Variants in MDGA2 observed in about 807,000 individuals in gnomAD.
MDGA2 encodes the protein MAM domain containing glycosylphosphatidylinositol anchor 2.
In MDGA2, 40 loss-of-function variants were observed where a neutral mutation model predicts 117.8. That is an observed-to-expected ratio of 0.34 (90% CI 0.26 to 0.44). The LOEUF (loss-of-function observed/expected upper bound fraction) is 0.44, where lower values mean the gene tolerates loss of function less well. MDGA2 is among the 20% of genes least tolerant of loss of function. MDGA2 has a pLI of 1.00. For synonymous variants in MDGA2, 452 were observed against 439.0 expected, an observed-to-expected ratio of 1.03 and a Z score of -0.37; for missense variants, 1,123 against 1,250.6, an observed-to-expected ratio of 0.90 and a Z score of 1.54.
chr14:47,398,912 G>C (rs1892073835), intron 1 of MDGA2, among the ~76,000 whole-genome samples: 1 of 152,038 alleles, frequency 6.6e-6, no homozygotes, highest in Non-Finnish European at 1.5e-5. Flanking sequence ...AATTGCCTGA[G>C]GACAGAATAA....
chr14:46,961,551 C>T (rs1885808833), intron 8 of MDGA2, among the ~76,000 whole-genome samples: 2 of 152,116 alleles, frequency 1.3e-5, no homozygotes, highest in Non-Finnish European at 2.9e-5. Flanking sequence ...TGTATACCTG[C>T]ACACCACTTT....
intron 2 of MDGA2, among the ~76,000 whole-genome samples, chr14:47,231,392 G>A (rs1474728293): frequency 6.6e-6 from 1 of 152,024 alleles, no homozygotes; most frequent in Non-Finnish European, 1.5e-5. Flanking sequence ...AACAAGCTAG[G>A]ATGGAAGTCC....
At chr14:46,894,169 G>A (rs575154639) in intron 10 of MDGA2, among the ~76,000 whole-genome samples, 1 of 151,758 alleles carries the variant, frequency 6.6e-6, no homozygotes, top group Non-Finnish European at 1.5e-5. Context: ...AAAATCTATC[G>A]AGGTTAGTAT....
At chr14:47,172,726 C>G (rs973566036) in intron 3 of MDGA2, among the ~76,000 whole-genome samples, 1 of 152,146 alleles carries the variant, frequency 6.6e-6, no homozygotes, top group South Asian at 2.1e-4. Flanking sequence ...ACTGGGAACT[C>G]TAAAAAGCAG....
chr14:47,264,322 T>A (rs1287146824), intron 2 of MDGA2, among the ~76,000 whole-genome samples: 1 of 152,178 alleles, frequency 6.6e-6, no homozygotes, highest in Non-Finnish European at 1.5e-5. Context: ...AGAGCCAAAC[T>A]ACTAAAATTC....
intron 1 of MDGA2, among the ~76,000 whole-genome samples, chr14:47,567,715 T>C (rs1441464543): frequency 6.6e-6 from 1 of 152,224 alleles, no homozygotes; most frequent in Non-Finnish European, 1.5e-5. Flanking sequence ...CTGTTTCTTA[T>C]TGGGCCAGGG....
At chr14:47,146,530 A>G (rs1381011430) in intron 3 of MDGA2, among the ~76,000 whole-genome samples, 39 of 152,166 alleles carry the variant, frequency 2.6e-4, no homozygotes, top group Admixed American at 2.6e-3. Flanking sequence ...ATATTCATTA[A>G]TTTGGTGATT....
chr14:47,560,533 C>T (rs1017211046), intron 1 of MDGA2, among the ~76,000 whole-genome samples: 10 of 152,066 alleles, frequency 6.6e-5, no homozygotes, highest in African/African-American at 2.4e-4. Context: ...ATGTCCTTGG[C>T]CCGCTTTTTA....
chr14:47,558,771 C>A (rs1198633712), intron 1 of MDGA2, among the ~76,000 whole-genome samples: 3 of 152,004 alleles, frequency 2.0e-5, no homozygotes, highest in Non-Finnish European at 4.4e-5. Flanking sequence ...TAAATAATGA[C>A]AATTATAATA....
chr14:47,609,428 C>CACATATATATATATACATATATAT (rs1477357010), intron 1 of MDGA2, among the ~76,000 whole-genome samples: 1 of 17,558 alleles, frequency 5.7e-5, no homozygotes, highest in Non-Finnish European at 1.4e-4. Flanking sequence ...AGTATTCCAT[C>CACATATATATATATACATATATAT]ATATATATAT....
In MDGA2 at chr14:47,326,171, C is replaced by A. The variant is rs532462961; in HGVS notation, c.281-24621G>T. On this transcript the variant is annotated intron_variant, in intron 1 of 16. Transcript: ENST00000399232. Reference sequence around the variant, plus strand: ...GTACCAAAAAAATCACACACTGTCACATCCTATATCTGCAAGTCATTTAGA... The same window carrying A: ...GTACCAAAAAAATCACACACTGTCAAATCCTATATCTGCAAGTCATTTAGA... Among the ~76,000 whole-genome samples, 4 of 152,266 alleles carry A rather than the reference C, an allele frequency of 2.6e-5. No homozygotes were observed. The East Asian group carries it at 7.7e-4, about 29-fold the overall frequency.
At chr14:47,392,699 G>A (rs1891923654) in intron 1 of MDGA2, among the ~76,000 whole-genome samples, 1 of 152,060 alleles carries the variant, frequency 6.6e-6, no homozygotes, top group African/African-American at 2.4e-5. Flanking sequence ...TGGCAATGTG[G>A]CTCAGCCTAC....
At chr14:46,846,672 CTT>C (rs948689007) in intron 15 of MDGA2, among the ~76,000 whole-genome samples, 9 of 152,192 alleles carry the variant, frequency 5.9e-5, no homozygotes, top group South Asian at 2.1e-4. Flanking sequence ...AAACAGGACT[CTT>C]TTAGAATTTT....
chr14:46,861,340 T>C lies in MDGA2; in HGVS notation c.2753-6186A>G, dbSNP rs1174008374. Among the ~76,000 whole-genome samples, 3 of 152,022 alleles carry C rather than the reference T, an allele frequency of 2.0e-5. No homozygotes were observed. The South Asian group carries it at 6.2e-4, about 31-fold the overall frequency. On this transcript the variant is annotated intron_variant, in intron 14 of 16. Transcript: ENST00000399232. ...TTATATCAGTAATTATAGGGTATCG[T>C]GCCAGTACTGAATATTGTTTCTCAC...
At chr14:47,069,917 T>C (rs1350570591) in intron 6 of MDGA2, among the ~76,000 whole-genome samples, 3 of 152,218 alleles carry the variant, frequency 2.0e-5, no homozygotes, top group Non-Finnish European at 4.4e-5. Flanking sequence ...AATTGCCTTA[T>C]CTGGTAAGAA....
chr14:46,854,766 A>AT (rs1226112206), intron 15 of MDGA2, among the ~76,000 whole-genome samples: 1 of 151,788 alleles, frequency 6.6e-6, no homozygotes, highest in Non-Finnish European at 1.5e-5. Flanking sequence ...AATGGATTAC[A>AT]TTTTTTCCAG....
intron 2 of MDGA2, among the ~76,000 whole-genome samples, chr14:47,256,726 G>A (rs542945565): frequency 1.3e-5 from 2 of 151,812 alleles, no homozygotes; most frequent in South Asian, 2.1e-4. Context: ...GAAGGAAATC[G>A]AATAACACTT....
chr14:47,019,669 G>A (rs932549342), intron 8 of MDGA2, among the ~76,000 whole-genome samples: 3 of 151,702 alleles, frequency 2.0e-5, no homozygotes, highest in African/African-American at 4.8e-5. Flanking sequence ...CGGTGAAACC[G>A]CGTCTCCACT....
At chr14:47,565,469 C>G (rs1465208994) in intron 1 of MDGA2, among the ~76,000 whole-genome samples, 1 of 152,156 alleles carries the variant, frequency 6.6e-6, no homozygotes, top group Non-Finnish European at 1.5e-5. Context: ...AGGCCCCCAG[C>G]TTTGTTCTCT....
Sources: gnomAD v4.1 joint callset for allele counts (sites outside exome capture counted in the v4.1 genomes callset) on GRCh38, gnomAD v4.1.1 for gene constraint, MANE v1.5 for transcripts, NCBI Gene and HGNC (gene_info 2026-07-23, HGNC 2026-07-21) for gene names.